The following LENG8 variants were observed in gnomAD, a reference collection of about 807,000 sequenced individuals.
LENG8 encodes leukocyte receptor cluster member 8, also known as leukocyte receptor cluster (LRC) member 8.
A neutral mutation model predicts 102.1 loss-of-function variants in LENG8; 28 were observed. That is an observed-to-expected ratio of 0.27 (90% CI 0.20 to 0.38). LENG8 has a LOEUF of 0.38. Among genes scored for constraint, LENG8 ranks in the 10% least tolerant of loss-of-function variants. The probability of loss-of-function intolerance (pLI) is 1.00; values close to 1 mark genes in which losing one functional copy is unlikely to be tolerated. For missense variants in LENG8, 1,022 were observed against 1,113.9 expected, an observed-to-expected ratio of 0.92 and a Z score of 1.17; for synonymous variants, 531 against 456.7, an observed-to-expected ratio of 1.16 and a Z score of -2.07.
chr19:54,458,923 C>T (rs767792744), intron 15 of LENG8: 2 of 1,528,572 alleles, frequency 1.3e-6, no homozygotes, highest in South Asian at 2.4e-5. Context: ...TCTAGACAGC[C>T]TCTGGTCTAC....
rs745637395 is a variant in LENG8, at chr19:54,458,378, C to T, written c.2097C>T (p.Ala699=). 3.7e-6 allele frequency: 6 copies of T among 1,614,232 alleles called. No individual in the cohort carries two copies. The highest frequency in any genetic ancestry group is 3.3e-4 in the Middle Eastern group (2 of 6,062). Reference sequence around the variant, plus strand: ...AGGCAGATCCTTGCGTGGCCCACGCCTTGGCATTAAGGACAGCCTGGGCCC... The same window carrying T: ...AGGCAGATCCTTGCGTGGCCCACGCTTTGGCATTAAGGACAGCCTGGGCCC... The part of the protein sequence containing the change: ...ELKADPCVAH[A]LALRTAWALG... Residue 699 remains alanine (A), a synonymous_variant, in exon 15 of 16, where the codon GCC becomes GCT. Transcript: ENST00000326764.
chr19:54,450,714 G>T (rs924208850), intron 1 of LENG8, among the ~76,000 whole-genome samples: 1 of 148,136 alleles, frequency 6.8e-6, no homozygotes, highest in Non-Finnish European at 1.5e-5. Context: ...TCCGCCTCCC[G>T]TGTTCAAGCG....
chr19:54,454,853 C>T, intron 6 of LENG8, 98 bp from the exon 7 acceptor site: 1 of 1,515,338 alleles, frequency 6.6e-7, no homozygotes, highest in East Asian at 2.4e-5. Flanking sequence ...CCTCTAGAAC[C>T]TGAGCGCTCC....
chr19:54,459,643 G>A (rs895668218), intron 15 of LENG8: 8 of 996,548 alleles, frequency 8.0e-6, no homozygotes, highest in East Asian at 1.1e-4. Flanking sequence ...GTGGCCCTCC[G>A]TGTGAGGTCA....
chr19:54,457,951 C>T lies in LENG8; in HGVS notation c.1851C>T (p.Thr617=), dbSNP rs146454838. ...RQDLTVQGIR[T]EFTVEVYETH... ...TGCCCCAGGTGCAGGGCATCCGCACCGAGTTCACGGTGGAGGTGTACGAGA... is the reference window on the plus strand; with the variant it reads ...TGCCCCAGGTGCAGGGCATCCGCACTGAGTTCACGGTGGAGGTGTACGAGA... Residue 617 remains threonine (T), a synonymous_variant, in exon 13 of 16, where the codon ACC becomes ACT. Coordinates refer to ENST00000326764, the MANE Select transcript of LENG8 (RefSeq NM_052925.4). 465 of 1,613,928 alleles carry T rather than the reference C, an allele frequency of 2.9e-4. 5 individuals are homozygous for T. The Admixed American group carries it at 3.9e-3, about 13-fold the overall frequency.
chr19:54,451,528 A>G (rs1325429835), intron 2 of LENG8, 146 bp downstream of exon 2: 2 of 787,438 alleles, frequency 2.5e-6, no homozygotes, highest in Admixed American at 2.1e-5. Context: ...AGGCAAACAC[A>G]GAGGGAAGCA....
intron 4 of LENG8, 71 bp from the exon 5 acceptor site, chr19:54,453,475 G>C (rs2084057859): frequency 1.0e-6 from 1 of 973,188 alleles, no homozygotes; most frequent in Non-Finnish European, 1.6e-6. Context: ...GGCTGGTGTA[G>C]TTCCTGAGCA....
rs2084250052 is a variant in LENG8, at chr19:54,456,461, A to G, written c.1441A>G (p.Lys481Glu). Residue 481 changes from lysine (K) to glutamate (E), a missense_variant, in exon 10 of 16, where the codon AAG becomes GAG. By Grantham distance (56) the Lys-to-Glu change is moderately conservative. Around this residue, in one of 7 missense-constraint regions of LENG8, gnomAD observed 326 missense variants for 324.5 expected, o/e 1.00. Coordinates refer to ENST00000326764, the MANE Select transcript of LENG8 (RefSeq NM_052925.4). ...GGGCCGAGGCAGGGCGCAGCGTGGGAAGAGGTGAGACTGTGTGAGGGCTCG... is the reference window on the plus strand; with the variant it reads ...GGGCCGAGGCAGGGCGCAGCGTGGGGAGAGGTGAGACTGTGTGAGGGCTCG... ...DRGRGRAQRGKRHDLAPTKRS... is the reference protein window; with the variant it reads ...DRGRGRAQRGERHDLAPTKRS... 6.2e-7 allele frequency: 1 copy of G among 1,604,132 alleles called. No homozygotes were observed. The highest frequency in any genetic ancestry group is 1.1e-5 in the South Asian group (1 of 90,804).
rs561715173 is a variant in LENG8 at position 54,461,748 on chromosome 19, TTG to T, written c.*830_*831del. ...CACGTCATGTTGCCTTCTCTTTTCT[TTG>T]TGTGTGTGTTTATTTAAGTTATTTT... On this transcript the variant is annotated 3_prime_UTR_variant, in exon 16 of 16. Coordinates refer to ENST00000326764, the MANE Select transcript of LENG8 (RefSeq NM_052925.4). 7 of 531,682 alleles carry T rather than the reference TTG, an allele frequency of 1.3e-5. No individual in the cohort carries two copies. The highest frequency in any genetic ancestry group is 2.2e-5 in the Non-Finnish European group (6 of 267,182). The allele number at this position is 531,682 out of a possible 1,614,324, so 32.9% of individuals were successfully genotyped here. A position where few individuals can be genotyped will look rare whatever the true frequency, so the allele number is the denominator to read the frequency against.
At chr19:54,454,718 TG>T in intron 6 of LENG8, 36 bp downstream of exon 6, 1 of 1,553,462 alleles carries the variant, frequency 6.4e-7, no homozygotes, top group Non-Finnish European at 8.7e-7. Flanking sequence ...TCCGAGCGGT[TG>T]GGCCCTCATA....
chr19:54,452,648 C>T lies in LENG8; in HGVS notation c.214-3C>T. On this transcript the variant is annotated splice_region_variant and splice_polypyrimidine_tract_variant and intron_variant, in intron 3 of 15. Transcript: ENST00000326764. ...GACGGCACATGTGCCTCTGCTTCCA[C>T]AGTACGTGTCCCAGGCAGAAGCCTC... is the stretch of plus-strand genomic sequence containing the variant. 6 of 1,612,674 alleles carry T rather than the reference C, an allele frequency of 3.7e-6. No individual in the cohort carries two copies. The highest frequency in any genetic ancestry group is 5.1e-6 in the Non-Finnish European group (6 of 1,178,680).
rs762289573 is a variant in LENG8 at position 54,455,039 on chromosome 19, C to T, written c.768C>T (p.Gly256=). The T allele has an allele frequency of 6.2e-7, 1 of 1,614,184 alleles. No individual in the cohort carries two copies. Among genetic ancestry groups the T allele is most frequent in the East Asian group, 2.2e-5 (1 of 44,888 alleles). The change falls in exon 7 of 16, where the codon GGC becomes GGT. Residue 256 remains glycine, a synonymous_variant. Coordinates refer to ENST00000326764, the MANE Select transcript of LENG8 (RefSeq NM_052925.4). ...TTQSFGSNAE[G]QHSGFGPQPN... ...AGAGCTTTGGCTCCAACGCAGAGGGCCAGCACAGTGGTTTTGGCCCCCAGC... is the reference window on the plus strand; with the variant it reads ...AGAGCTTTGGCTCCAACGCAGAGGGTCAGCACAGTGGTTTTGGCCCCCAGC...
At chr19:54,453,060 GCT>G (rs2084037498) in intron 4 of LENG8, among the ~76,000 whole-genome samples, 1 of 152,222 alleles carries the variant, frequency 6.6e-6, no homozygotes, top group Non-Finnish European at 1.5e-5. Context: ...TGGCTGCAGT[GCT>G]CCCTGTGTTG....
intron 3 of LENG8, 89 bp downstream of exon 3, chr19:54,452,356 G>T: frequency 3.4e-6 from 4 of 1,187,568 alleles, no homozygotes; most frequent in Middle Eastern, 2.9e-4. Context: ...TTCAGACGGG[G>T]TGCTCTGAGG....
At chr19:54,449,974 GT>G (rs1157097356) in intron 1 of LENG8, among the ~76,000 whole-genome samples, 1 of 152,076 alleles carries the variant, frequency 6.6e-6, no homozygotes, top group Non-Finnish European at 1.5e-5. Flanking sequence ...CCAGACTCCC[GT>G]TCCTATCCCG....
chr19:54,453,613 C>T lies in LENG8; in HGVS notation c.383C>T (p.Pro128Leu). ...GMAGSYGSAT[P>L]QQPSAPQHQG... ...GCCGGCTCCTATGGCTCAGCCACACCCCAGCAGCCATCCGCACCCCAACAC... is the reference window on the plus strand; with the variant it reads ...GCCGGCTCCTATGGCTCAGCCACACTCCAGCAGCCATCCGCACCCCAACAC... The change falls in exon 5 of 16, where the codon CCC becomes CTC. Residue 128 changes from proline (P) to leucine (L), a missense_variant. Pro to Leu is a moderately conservative substitution (Grantham distance 98). Coordinates refer to ENST00000326764, the MANE Select transcript of LENG8 (RefSeq NM_052925.4). The T allele has an allele frequency of 6.2e-7, 1 of 1,614,008 alleles. No homozygotes were observed. The highest frequency in any genetic ancestry group is 8.5e-7 in the Non-Finnish European group (1 of 1,179,994).
Position 54,460,835 on chromosome 19 carries a change from G to C in LENG8, c.2310G>C (p.Arg770=), listed in dbSNP as rs1480956411. The change falls in exon 16 of 16, where the codon CGG becomes CGC. Residue 770 remains arginine, a synonymous_variant. Coordinates refer to ENST00000326764, the MANE Select transcript of LENG8 (RefSeq NM_052925.4). The stretch of plus-strand genomic sequence containing the variant: ...CCTTCGAGGGCGAGGCCGCCTGCCG[G>C]GCCTTCCTAGAGCCCCTGGGCCTGG... ...ELAFEGEAAC[R]AFLEPLGLAY... 1.3e-6 allele frequency: 2 copies of C among 1,577,580 alleles called. No individual in the cohort carries two copies. The highest frequency in any genetic ancestry group is 1.7e-6 in the Non-Finnish European group (2 of 1,162,964).
At chr19:54,455,662 G>C (rs1461439651) in intron 8 of LENG8, 95 bp downstream of exon 8, 7 of 1,160,684 alleles carry the variant, frequency 6.0e-6, no homozygotes, top group Non-Finnish European at 8.6e-6. Context: ...CAGGTACCAG[G>C]AGCTCCAAAG....
rs1376344878 is a variant in LENG8, at chr19:54,456,822, C to G, written c.1632C>G (p.Asp544Glu). ...TGGAGAGCAGTGGGGCTGACCCTGA[C>G]TGGCAGGAGCTGCAGATCGTGGGCA... ...SSLESSGADP[D>E]WQELQIVGTC... Residue 544 changes from aspartate to glutamate, a missense_variant, in exon 11 of 16, where the codon GAC becomes GAG. By Grantham distance (45) the Asp-to-Glu change is conservative. Coordinates refer to ENST00000326764, the MANE Select transcript of LENG8 (RefSeq NM_052925.4). 5.6e-6 allele frequency: 9 copies of G among 1,611,000 alleles called. No homozygotes were observed. The East Asian group carries it at 1.6e-4, about 28-fold the overall frequency.
Sources: gnomAD v4.1 joint callset for allele counts (sites outside exome capture counted in the v4.1 genomes callset) on GRCh38, gnomAD v4.1.1 for gene constraint, gnomAD v4.1.1 regional missense constraint, MANE v1.5 for transcripts, NCBI Gene and HGNC (gene_info 2026-07-23, HGNC 2026-07-21) for gene names.